IFT52: variants seen among roughly 807,000 people sequenced by gnomAD.
IFT52 encodes the protein intraflagellar transport protein 52 homolog.
A neutral mutation model predicts 54.4 loss-of-function variants in IFT52; 44 were observed. The observed-to-expected ratio is 0.81, with a 90% CI of 0.63 to 1.04. IFT52 has a LOEUF of 1.04. Ranked by LOEUF, IFT52 falls within the 50% of genes least tolerant of loss-of-function variation. The pLI is 0.00. For missense variants in IFT52, 452 were observed against 523.6 expected (o/e 0.86, Z 1.33); for synonymous variants, 181 against 185.3 (o/e 0.98, Z 0.19).
intron 7 of IFT52, among the ~76,000 whole-genome samples, chr20:43,614,809 C>CT (rs1037730877): frequency 0.033 from 4,412 of 134,936 alleles, 137 homozygotes; most frequent in African/African-American, 0.084. Context: ...CTTTCTTTTT[C>CT]TTTTTTTTTT....
At chr20:43,605,218 T>G in intron 6 of IFT52, 145 bp downstream of exon 6, 1 of 1,443,894 alleles carries the variant, frequency 6.9e-7, no homozygotes, top group South Asian at 1.3e-5. Flanking sequence ...CTCTGCACTG[T>G]AAGTCCATGC....
At chr20:43,601,981 C>T (rs552369758) in intron 3 of IFT52, among the ~76,000 whole-genome samples, 53 of 152,170 alleles carry the variant, frequency 3.5e-4, no homozygotes, top group Non-Finnish European at 3.8e-4. Context: ...TCAAATAGCA[C>T]ATGATCTCTC....
chr20:43,598,215 C>G (rs889871092), intron 3 of IFT52, among the ~76,000 whole-genome samples: 2 of 152,120 alleles, frequency 1.3e-5, no homozygotes, highest in African/African-American at 4.8e-5. Flanking sequence ...TATGATTTCA[C>G]TTATGCAAGC....
intron 9 of IFT52, 95 bp from the exon 10 acceptor site, chr20:43,623,796 A>T (rs1326540521): frequency 8.2e-6 from 11 of 1,346,252 alleles, no homozygotes; most frequent in Non-Finnish European, 1.1e-5. Flanking sequence ...GCAAGAGAAT[A>T]TAAATGTTGC....
intron 6 of IFT52, among the ~76,000 whole-genome samples, chr20:43,612,275 A>T (rs1983513745): frequency 6.6e-6 from 1 of 152,064 alleles, no homozygotes; most frequent in South Asian, 2.1e-4. Flanking sequence ...TTGCTGGGAT[A>T]CTGCTGGAGT....
intron 10 of IFT52, among the ~76,000 whole-genome samples, chr20:43,626,447 T>C (rs1207384046): frequency 2.6e-5 from 4 of 152,132 alleles, no homozygotes; most frequent in African/African-American, 4.8e-5. Flanking sequence ...GGTTTCACCA[T>C]GTTGGCCAGG....
At chr20:43,621,106 T>C in intron 9 of IFT52, 181 bp downstream of exon 9, 1 of 487,242 alleles carries the variant, frequency 2.1e-6, no homozygotes, top group East Asian at 3.1e-5. Context: ...AAACAATATA[T>C]GTAATTAATC....
At chr20:43,621,041 G>C (rs1258180151) in intron 9 of IFT52, 116 bp downstream of exon 9, 2 of 704,538 alleles carry the variant, frequency 2.8e-6, no homozygotes, top group African/African-American at 1.8e-5. Flanking sequence ...AAGACAGATG[G>C]AACGAAGGAA....
At chr20:43,638,922 G>C (rs771469433) in intron 12 of IFT52, among the ~76,000 whole-genome samples, 1 of 152,210 alleles carries the variant, frequency 6.6e-6, no homozygotes, top group Admixed American at 6.5e-5. Flanking sequence ...AAACAGTTCA[G>C]TGTAAACGAA....
intron 12 of IFT52, among the ~76,000 whole-genome samples, chr20:43,641,894 G>A (rs747748383): frequency 6.9e-6 from 1 of 144,926 alleles, no homozygotes; most frequent in Non-Finnish European, 1.5e-5. Flanking sequence ...CCCCAGTTGA[G>A]GTGATTCTCC....
chr20:43,647,023 C>T lies in IFT52; in HGVS notation c.*40C>T, dbSNP rs779456413. ...GAAGCTTTTTCTGCCTCCTGATTCT[C>T]TCTTTGTAAACTATTTTCAAATTGT... On this transcript the variant is annotated 3_prime_UTR_variant, in exon 14 of 14. Transcript: ENST00000373030. 3.7e-5 allele frequency: 57 copies of T among 1,555,034 alleles called. No homozygotes were observed. Among genetic ancestry groups the T allele is most frequent in the Admixed American group, 3.0e-4 (18 of 59,700 alleles).
Position 43,642,622 on chromosome 20 carries a change from C to A in IFT52, c.1264C>A (p.Gln422Lys). 1 of 1,613,796 alleles carries A rather than the reference C, an allele frequency of 6.2e-7. No homozygotes were observed. The highest frequency in any genetic ancestry group is 1.1e-5 in the South Asian group (1 of 91,048). Residue 422 changes from glutamine to lysine, a missense_variant and splice_region_variant, in exon 13 of 14, where the codon CAG becomes AAG. Transcript: ENST00000373030. The stretch of plus-strand genomic sequence containing the variant: ...AGTGGTGGAGTTCAAGAAATTGAAC[C>A]AGGTACAGAGCCTACAAGGCACAGT... ...FQVVEFKKLN[Q>K]EHDIDTSETA...
chr20:43,640,061 G>T (rs898534044), intron 12 of IFT52, among the ~76,000 whole-genome samples: 4 of 152,082 alleles, frequency 2.6e-5, no homozygotes, highest in African/African-American at 9.7e-5. Context: ...CTACTCAGGA[G>T]GCCCAGGTGG....
intron 1 of IFT52, among the ~76,000 whole-genome samples, chr20:43,594,410 G>T (rs1352816115): frequency 6.6e-6 from 1 of 152,196 alleles, no homozygotes; most frequent in African/African-American, 2.4e-5. Flanking sequence ...CAAGAGCAGG[G>T]TGATGGCAGG....
chr20:43,596,748 T>TC (rs919054145), intron 3 of IFT52, among the ~76,000 whole-genome samples: 8 of 143,306 alleles, frequency 5.6e-5, no homozygotes, highest in Non-Finnish European at 1.1e-4. Context: ...TTTTTTTTTT[T>TC]TTTTTTTTTT....
chr20:43,602,665 C>T (rs764332603), intron 3 of IFT52, among the ~76,000 whole-genome samples: 1 of 151,752 alleles, frequency 6.6e-6, no homozygotes, highest in Non-Finnish European at 1.5e-5. Flanking sequence ...CATACCACCA[C>T]GCCTGGCTAA....
At chr20:43,614,082 T>C (rs1600478933) in intron 7 of IFT52, 106 bp downstream of exon 7, 3 of 944,874 alleles carry the variant, frequency 3.2e-6, no homozygotes. Context: ...TCACTGGTCT[T>C]CCTGCCAGTC....
chr20:43,600,303 T>A (rs1049927628), intron 3 of IFT52, among the ~76,000 whole-genome samples: 3 of 151,044 alleles, frequency 2.0e-5, no homozygotes, highest in Non-Finnish European at 3.0e-5. Flanking sequence ...GGTAAAGTTC[T>A]ATTTTTTTTT....
At chr20:43,619,910 C>T (rs1323088137) in intron 8 of IFT52, among the ~76,000 whole-genome samples, 27 of 82,788 alleles carry the variant, frequency 3.3e-4, no homozygotes, top group South Asian at 1.5e-3. Context: ...AGATATTCTA[C>T]TTTTTTTTTT....
Sources: gnomAD v4.1 joint callset for allele counts (sites outside exome capture counted in the v4.1 genomes callset) on GRCh38, gnomAD v4.1.1 for gene constraint, MANE v1.5 for transcripts, NCBI Gene and HGNC (gene_info 2026-07-23, HGNC 2026-07-21) for gene names.